The following MDM4 variants were observed in gnomAD, a reference collection of about 807,000 sequenced individuals.
The protein encoded by MDM4 is protein Mdm4.
In MDM4, 2 loss-of-function variants were observed where a neutral mutation model predicts 60.2. The observed-to-expected ratio is 0.03, with a 90% CI of 0.01 to 0.10. The LOEUF is 0.10. Among genes scored for constraint, MDM4 ranks in the 10% least tolerant of loss-of-function variants. The pLI, the probability that MDM4 is intolerant of heterozygous loss-of-function variation, is 1.00. For missense variants in MDM4, 447 were observed against 577.5 expected (o/e 0.77, Z 2.32); for synonymous variants, 202 against 198.1 (o/e 1.02, Z -0.17).
chr1:204,537,823 A>G lies in MDM4; in HGVS notation c.411+326A>G, dbSNP rs945297573. ...TAATAGGCGTGTTGCAGTTAAGTTC[A>G]TGTCAGGCCATTTCCTAAAGCTTCC... On this transcript the variant is annotated intron_variant, in intron 6 of 10. Transcript: ENST00000367182. The G allele has an allele frequency of 9.3e-6, 6 of 642,600 alleles. No individual in the cohort carries two copies. The African/African-American group carries it at 1.1e-4, about 12-fold the overall frequency. 39.8% of individuals were successfully genotyped at this position (642,600 alleles called of 1,614,324 possible).
Position 204,526,445 on chromosome 1 carries a change from A to G in MDM4, c.153+11A>G, listed in dbSNP as rs373469636. The stretch of plus-strand genomic sequence containing the variant: ...TTCACTGTTAAAGAGGTAAGCCATC[A>G]AATAAAATTCTCATTTTTTTTGTTT... On this transcript the variant is annotated intron_variant, in intron 3 of 10. Coordinates refer to ENST00000367182, the MANE Select transcript of MDM4 (RefSeq NM_002393.5). 1.8e-5 allele frequency: 28 copies of G among 1,588,222 alleles called. No individual in the cohort carries two copies. The highest frequency in any genetic ancestry group is 2.2e-5 in the East Asian group (1 of 44,660).
At chr1:204,540,520 T>C (rs746245298) in intron 7 of MDM4, among the ~76,000 whole-genome samples, 2 of 152,016 alleles carry the variant, frequency 1.3e-5, no homozygotes, top group African/African-American at 4.8e-5. Flanking sequence ...CCTAGCACTT[T>C]GGGAGGCTGA....
intron 1 of MDM4, among the ~76,000 whole-genome samples, chr1:204,520,129 TAGCC>T (rs1039310140): frequency 3.3e-5 from 5 of 151,792 alleles, no homozygotes; most frequent in Non-Finnish European, 5.9e-5. Flanking sequence ...TACAAAAAAT[TAGCC>T]AGGCGAGGTG....
Position 204,549,336 on chromosome 1 carries a change from C to T in MDM4, c.1127C>T (p.Ala376Val), listed in dbSNP as rs777416962. The change falls in exon 11 of 11, where the codon GCG becomes GTG. Residue 376 changes from alanine to valine, a missense_variant. Around this residue, in one of 8 missense-constraint regions of MDM4, gnomAD observed 117 missense variants for 114.5 expected, o/e 1.02. Transcript: ENST00000367182. The stretch of plus-strand genomic sequence containing the variant: ...GCTCCTGTCGTTAGACCTAAAGATG[C>T]GTATATAAAGAAAGAAAACTCCAAA... ...ISAPVVRPKD[A>V]YIKKENSKLF... 49 of 1,613,858 alleles carry T rather than the reference C, an allele frequency of 3.0e-5. No homozygotes were observed. Among genetic ancestry groups the T allele is most frequent in the Admixed American group, 5.0e-5 (3 of 59,996 alleles).
At chr1:204,536,548 A>G (rs1361201090) in intron 5 of MDM4, among the ~76,000 whole-genome samples, 1 of 152,170 alleles carries the variant, frequency 6.6e-6, no homozygotes, top group Non-Finnish European at 1.5e-5. Context: ...GGTGAACCTG[A>G]CCCACAGTAG....
At position 204,550,749 on chromosome 1, in the gene MDM4, G is replaced by A. The variant is rs547507816; in HGVS notation, c.*1067G>A. On this transcript the variant is annotated 3_prime_UTR_variant, in exon 11 of 11. Transcript: ENST00000367182. ...GTGTCTCGTTATGTTGCCCAGGCTG[G>A]TCTCGAACTCCTGGGTTTAAGTGAT... The A allele has an allele frequency of 2.7e-4, 48 of 175,512 alleles. No individual in the cohort carries two copies. Among genetic ancestry groups the A allele is most frequent in the African/African-American group, 1.1e-3 (46 of 42,124 alleles). 10.9% of individuals were successfully genotyped at this position (175,512 alleles called of 1,614,324 possible).
intron 1 of MDM4, among the ~76,000 whole-genome samples, chr1:204,522,883 A>G (rs920243471): frequency 7.8e-6 from 1 of 128,084 alleles, no homozygotes; most frequent in Non-Finnish European, 1.7e-5. Context: ...TTTTTTTGAG[A>G]TGGAGTTTCA....
intron 8 of MDM4, among the ~76,000 whole-genome samples, 169 bp from the exon 9 acceptor site, chr1:204,544,366 T>A (rs569858492): frequency 6.6e-6 from 1 of 152,342 alleles, no homozygotes; most frequent in East Asian, 1.9e-4. Context: ...TTATCCACAG[T>A]AGGTGTCAAG....
intron 1 of MDM4, among the ~76,000 whole-genome samples, chr1:204,524,108 G>C (rs375820037): frequency 3.9e-5 from 6 of 152,278 alleles, no homozygotes; most frequent in African/African-American, 1.4e-4. Context: ...TTACTGAAAC[G>C]AGGGGCAAGG....
chr1:204,535,936 A>G (rs548998233), intron 5 of MDM4, among the ~76,000 whole-genome samples: 2 of 152,324 alleles, frequency 1.3e-5, no homozygotes, highest in African/African-American at 2.4e-5. Context: ...GGCTTTGGAA[A>G]TATAAATGAC....
intron 5 of MDM4, chr1:204,536,964 GA>G: frequency 2.6e-6 from 1 of 387,778 alleles, no homozygotes; most frequent in Admixed American, 3.7e-5. Flanking sequence ...AGCAAACGGG[GA>G]AAAATCCAGA....
chr1:204,526,515 G>A (rs2102324269), intron 3 of MDM4, 81 bp downstream of exon 3: 1 of 1,000,710 alleles, frequency 1.0e-6, no homozygotes, highest in Non-Finnish European at 1.5e-6. Flanking sequence ...CCAGGCTGGA[G>A]TGCAGTGGTG....
Position 204,542,934 on chromosome 1 carries a change from A to G in MDM4, c.662A>G (p.Gln221Arg). 3 of 1,604,460 alleles carry G rather than the reference A, an allele frequency of 1.9e-6. No homozygotes were observed. Among genetic ancestry groups the G allele is most frequent in the Non-Finnish European group, 2.5e-6 (3 of 1,177,298 alleles). ...AGAAGTAATGGCTCAACTGATTTAC[A>G]GACAAATCAGGTAAATTTCACATTT... ...TPRSNGSTDLQTNQDVGTAIV... is the reference protein window; with the variant it reads ...TPRSNGSTDLRTNQDVGTAIV... Residue 221 changes from glutamine to arginine, a missense_variant, in exon 8 of 11, where the codon CAG becomes CGG. Gln to Arg is a conservative substitution (Grantham distance 43). Coordinates refer to ENST00000367182, the MANE Select transcript of MDM4 (RefSeq NM_002393.5).
At chr1:204,520,259 CAG>C (rs1341436573) in intron 1 of MDM4, among the ~76,000 whole-genome samples, 2 of 125,676 alleles carry the variant, frequency 1.6e-5, no homozygotes, top group Non-Finnish European at 3.1e-5. Flanking sequence ...GCCTGTGCGA[CAG>C]AGCGAGACTC....
At chr1:204,518,583 T>C (rs538299394) in intron 1 of MDM4, among the ~76,000 whole-genome samples, 1 of 152,318 alleles carries the variant, frequency 6.6e-6, no homozygotes, top group South Asian at 2.1e-4. Flanking sequence ...AATCAAGTAG[T>C]ATATGGTGTG....
chr1:204,542,010 CAT>C (rs1298047112), intron 7 of MDM4, among the ~76,000 whole-genome samples: 1 of 152,168 alleles, frequency 6.6e-6, no homozygotes, highest in Admixed American at 6.5e-5. Context: ...AAAAGAGTAT[CAT>C]GTGATAACAA....
Position 204,551,887 on chromosome 1 carries a change from G to A in MDM4, c.*2205G>A. On this transcript the variant is annotated 3_prime_UTR_variant, in exon 11 of 11. Transcript: ENST00000367182. Reference sequence around the variant, plus strand: ...TGGAATCCTTGCCCTAGACAGGGGTGTCCAATCTTTTGGCTTCCCTGGTCC... The same window carrying A: ...TGGAATCCTTGCCCTAGACAGGGGTATCCAATCTTTTGGCTTCCCTGGTCC... 1 of 197,096 alleles carries A rather than the reference G, an allele frequency of 5.1e-6. No homozygotes were observed. Among genetic ancestry groups the A allele is most frequent in the Non-Finnish European group, 1.0e-5 (1 of 95,480 alleles). 12.2% of individuals were successfully genotyped at this position (197,096 alleles called of 1,614,324 possible).
At chr1:204,547,912 G>A (rs557595705) in intron 10 of MDM4, among the ~76,000 whole-genome samples, 60 of 152,230 alleles carry the variant, frequency 3.9e-4, no homozygotes, top group African/African-American at 1.2e-3. Context: ...TAGTAGAGAC[G>A]AGGATCTCCA....
At chr1:204,545,391 G>A (rs1393413923) in intron 9 of MDM4, among the ~76,000 whole-genome samples, 1 of 152,194 alleles carries the variant, frequency 6.6e-6, no homozygotes. Flanking sequence ...ATGTACTCAT[G>A]TACAGATGAA....
Sources: gnomAD v4.1 joint callset for allele counts (sites outside exome capture counted in the v4.1 genomes callset) on GRCh38, gnomAD v4.1.1 for gene constraint, gnomAD v4.1.1 regional missense constraint, MANE v1.5 for transcripts, NCBI Gene and HGNC (gene_info 2026-07-23, HGNC 2026-07-21) for gene names.